ERAP2: variants seen among roughly 807,000 people sequenced by gnomAD.
ERAP2 encodes the protein leukocyte-derived arginine aminopeptidase.
In ERAP2, 118 loss-of-function variants were observed where a neutral mutation model predicts 111.1. The observed-to-expected ratio is 1.06, with a 90% CI of 0.92 to 1.24. ERAP2 has a LOEUF of 1.24. Ranked by LOEUF, ERAP2 falls within the 50% of genes most tolerant of loss-of-function variation. ERAP2 has a pLI of 0.00. For missense variants in ERAP2, 1,131 were observed against 1,125.8 expected (o/e 1.00, Z -0.07); for synonymous variants, 410 against 401.2 (o/e 1.02, Z -0.26).
chr5:96,903,589 C>T (rs533092523), intron 13 of ERAP2, 29 bp downstream of exon 13: 167 of 1,563,146 alleles, frequency 1.1e-4, no homozygotes, highest in African/African-American at 5.7e-4. Context: ...TGACTTCATG[C>T]AAAATAACTG....
At chr5:96,895,127 C>A (rs1179765336) in intron 6 of ERAP2, 119 bp from the exon 7 acceptor site, 3 of 605,434 alleles carry the variant, frequency 5.0e-6, no homozygotes, top group African/African-American at 1.9e-5. Flanking sequence ...AAAAGGGTAG[C>A]AAAGAGAGAA....
intron 14 of ERAP2, 24 bp downstream of exon 14, chr5:96,909,141 T>C (rs754715682): frequency 6.2e-7 from 1 of 1,608,320 alleles, no homozygotes; most frequent in African/African-American, 1.3e-5. Flanking sequence ...TTAGAAAATG[T>C]ATTAAGTAAA....
chr5:96,910,418 T>C lies in ERAP2; in HGVS notation c.2354+654T>C, dbSNP rs1274473903. On this transcript the variant is annotated intron_variant, in intron 15 of 18. Coordinates refer to ENST00000437043, the MANE Select transcript of ERAP2 (RefSeq NM_022350.5). Reference sequence around the variant, plus strand: ...AAGTTTTCTTCTTTTTGGACTTTTTTTCCTTGTTGGGATTCAAGCCTGAAA... The same window carrying C: ...AAGTTTTCTTCTTTTTGGACTTTTTCTCCTTGTTGGGATTCAAGCCTGAAA... 3.9e-5 allele frequency: 6 copies of C among 152,222 alleles called. No individual in the cohort carries two copies. The South Asian group carries it at 6.2e-4, about 16-fold the overall frequency. The allele number at this position is 152,222 out of a possible 1,614,324, so 9.4% of individuals were successfully genotyped here.
Position 96,902,262 on chromosome 5 carries a change from T to C in ERAP2, c.1749-12T>C, listed in dbSNP as rs767377337. The stretch of plus-strand genomic sequence containing the variant: ...TCTTTTGGTCTGTAACTATCTTTAC[T>C]CTCTGTCATAGGTACCTGTGGCATA... On this transcript the variant is annotated splice_polypyrimidine_tract_variant and intron_variant, in intron 11 of 18. Coordinates refer to ENST00000437043, the MANE Select transcript of ERAP2 (RefSeq NM_022350.5). 3.8e-6 allele frequency: 6 copies of C among 1,569,760 alleles called. No individual in the cohort carries two copies. Among genetic ancestry groups the C allele is most frequent in the Middle Eastern group, 3.3e-4 (2 of 5,982 alleles).
intron 9 of ERAP2, among the ~76,000 whole-genome samples, chr5:96,897,516 G>A (rs1784994470): frequency 1.4e-5 from 2 of 146,344 alleles, no homozygotes. Flanking sequence ...TAATGATAAT[G>A]TGCTTAAGAA....
chr5:96,906,356 T>C (rs1002040577), intron 13 of ERAP2, among the ~76,000 whole-genome samples: 2 of 152,102 alleles, frequency 1.3e-5, no homozygotes, highest in Admixed American at 6.5e-5. Flanking sequence ...AGCCTCAACC[T>C]CCTGGGCTCA....
At chr5:96,881,549 C>G (rs1025743832) in intron 2 of ERAP2, 5 of 453,110 alleles carry the variant, frequency 1.1e-5, no homozygotes, top group Non-Finnish European at 2.2e-5. Context: ...TTGGAGAAAT[C>G]TAAATTCCAT....
rs1183540081 is a variant in ERAP2, at chr5:96,892,319, T to G, written c.991T>G (p.Phe331Val). The change falls in exon 6 of 19, where the codon TTT becomes GTT. Residue 331 changes from phenylalanine to valine, a missense_variant. Transcript: ENST00000437043. ...CTTAGATTTAATTGCTATTCCTGACTTTGCACCTGGAGCCATGGAAAATTG... is the reference window on the plus strand; with the variant it reads ...CTTAGATTTAATTGCTATTCCTGACGTTGCACCTGGAGCCATGGAAAATTG... ...SKLDLIAIPD[F>V]APGAMENWGL... 6.2e-7 allele frequency: 1 copy of G among 1,613,954 alleles called. No homozygotes were observed. The highest frequency in any genetic ancestry group is 1.3e-5 in the African/African-American group (1 of 75,024).
At chr5:96,912,606 T>C (rs1304706639) in intron 15 of ERAP2, 31 bp from the exon 16 acceptor site, 43 of 1,565,936 alleles carry the variant, frequency 2.7e-5, no homozygotes, top group Non-Finnish European at 3.6e-5. Flanking sequence ...TTCATAAAAC[T>C]TTTTCTTCAT....
In ERAP2 at chr5:96,886,763, A is replaced by G; in HGVS notation, c.823A>G (p.Ser275Gly). ...CATAGTTTGTGATTTCCACTCTCTGAGTGGCTTCACTTCATCAGGGGTCAA... is the reference window on the plus strand; with the variant it reads ...CATAGTTTGTGATTTCCACTCTCTGGGTGGCTTCACTTCATCAGGGGTCAA... The part of the protein sequence containing the change: ...AYIVCDFHSL[S>G]GFTSSGVKVS... Residue 275 changes from serine (S) to glycine (G), a missense_variant, in exon 4 of 19, where the codon AGT becomes GGT. Ser to Gly is a moderately conservative substitution (Grantham distance 56, BLOSUM62 0). This residue lies in a region of ERAP2 where 847 missense variants were observed against 856.5 expected (regional missense o/e 0.99). Transcript: ENST00000437043. 6.6e-7 allele frequency: 1 copy of G among 1,522,768 alleles called. No individual in the cohort carries two copies. The highest frequency in any genetic ancestry group is 8.9e-7 in the Non-Finnish European group (1 of 1,117,720). 94.3% of individuals were successfully genotyped at this position (1,522,768 alleles called of 1,614,324 possible).
chr5:96,918,158 A>G lies in ERAP2; in HGVS notation c.*553A>G, dbSNP rs1186864255. ...GGAAGGCCAGTTCAGTATCCTATTT[A>G]AAAGTAAACTTCCTGAATAATGGAT... On this transcript the variant is annotated 3_prime_UTR_variant, in exon 19 of 19. Transcript: ENST00000437043. 2.6e-5 allele frequency: 4 copies of G among 152,494 alleles called. No individual in the cohort carries two copies. The East Asian group carries it at 7.5e-4, about 29-fold the overall frequency. The allele number at this position is 152,494 out of a possible 1,614,324, so 9.4% of individuals were successfully genotyped here.
At chr5:96,910,858 T>G (rs1341976945) in intron 15 of ERAP2, among the ~76,000 whole-genome samples, 8 of 152,246 alleles carry the variant, frequency 5.3e-5, no homozygotes, top group African/African-American at 1.9e-4. Flanking sequence ...ACATTTCCTT[T>G]ATGCCAGCCA....
chr5:96,890,508 G>A (rs912321663), intron 5 of ERAP2, among the ~76,000 whole-genome samples: 61 of 152,292 alleles, frequency 4.0e-4, no homozygotes, highest in African/African-American at 1.3e-3. Flanking sequence ...AGGGACCCCT[G>A]TTGTAGAGCA....
intron 7 of ERAP2, among the ~76,000 whole-genome samples, chr5:96,895,733 T>C (rs553895059): frequency 6.6e-6 from 1 of 152,320 alleles, no homozygotes; most frequent in Non-Finnish European, 1.5e-5. Flanking sequence ...ATTGGGGGTG[T>C]ACTTTTCTAG....
rs893080685 is a variant in ERAP2, at chr5:96,899,984, T to G, written c.1504-137T>G. The stretch of plus-strand genomic sequence containing the variant: ...CACTGCAAACATGCCTTTTTTTCCA[T>G]TTTTATGTTCATTATCATGTCTGGA... On this transcript the variant is annotated intron_variant, in intron 9 of 18. Transcript: ENST00000437043. The G allele has an allele frequency of 7.4e-6, 8 of 1,077,410 alleles. No individual in the cohort carries two copies. The African/African-American group carries it at 1.3e-4, about 17-fold the overall frequency. 66.7% of individuals were successfully genotyped at this position (1,077,410 alleles called of 1,614,324 possible).
At position 96,896,758 on chromosome 5, in the gene ERAP2, G is replaced by A. The variant is rs776605310; in HGVS notation, c.1398G>A (p.Lys466=). 4.5e-6 allele frequency: 7 copies of A among 1,547,304 alleles called. No individual in the cohort carries two copies. ...NKGACILNML[K]DFLGEEKFQK... is the part of the protein sequence containing the mutation. Reference sequence around the variant, plus strand: ...GAGCTTGTATTTTGAATATGCTCAAGGATTTTCTGGGTGAGGAGAAATTCC... The same window carrying A: ...GAGCTTGTATTTTGAATATGCTCAAAGATTTTCTGGGTGAGGAGAAATTCC... The change falls in exon 9 of 19, where the codon AAG becomes AAA. Residue 466 remains lysine, a synonymous_variant. Transcript: ENST00000437043.
intron 17 of ERAP2, 122 bp downstream of exon 17, chr5:96,913,579 A>C: frequency 5.9e-6 from 7 of 1,190,698 alleles, no homozygotes; most frequent in Non-Finnish European, 8.4e-6. Flanking sequence ...CAAATAGTTC[A>C]GTGGAGTCAA....
chr5:96,905,177 TAGG>T (rs1172413841), intron 13 of ERAP2, among the ~76,000 whole-genome samples: 3 of 152,126 alleles, frequency 2.0e-5, no homozygotes, highest in South Asian at 2.1e-4. Flanking sequence ...ATGACATGAA[TAGG>T]AGGAGGAGAT....
chr5:96,882,130 T>C (rs1364200200), intron 2 of ERAP2, among the ~76,000 whole-genome samples: 1 of 152,202 alleles, frequency 6.6e-6, no homozygotes, highest in Non-Finnish European at 1.5e-5. Context: ...TTCCCCTCAT[T>C]GCAGCCACAA....
Sources: gnomAD v4.1 joint callset for allele counts (sites outside exome capture counted in the v4.1 genomes callset) on GRCh38, gnomAD v4.1.1 for gene constraint, gnomAD v4.1.1 regional missense constraint, MANE v1.5 for transcripts, NCBI Gene and HGNC (gene_info 2026-07-23, HGNC 2026-07-21) for gene names.